ALG14: variants seen among roughly 807,000 people sequenced by gnomAD.
ALG14 encodes the protein UDP-N-acetylglucosamine transferase subunit ALG14.
ALG14 carries 17 observed loss-of-function variants against 22.8 expected under a neutral mutation model. That is an observed-to-expected ratio of 0.75 (90% CI 0.51 to 1.12). The LOEUF (loss-of-function observed/expected upper bound fraction) is 1.12. Ranked by LOEUF, ALG14 falls within the 50% of genes most tolerant of loss-of-function variation. The pLI is 0.00. For synonymous variants in ALG14, 89 were observed against 103.7 expected (o/e 0.86, Z 0.86); for missense variants, 288 against 271.8 (o/e 1.06, Z -0.42).
intron 1 of ALG14, 93 bp from the exon 2 acceptor site, chr1:95,065,110 G>T: frequency 1.8e-6 from 2 of 1,121,606 alleles, no homozygotes; most frequent in South Asian, 2.2e-5. Context: ...TTCAGGTTGG[G>T]GGTGGGGGGG....
chr1:95,065,082 T>G, intron 1 of ALG14, 65 bp from the exon 2 acceptor site: 2 of 1,427,978 alleles, frequency 1.4e-6, no homozygotes, highest in Non-Finnish European at 1.9e-6. Flanking sequence ...TTTGACCATG[T>G]TATACCAATA....
intron 2 of ALG14, among the ~76,000 whole-genome samples, chr1:95,031,806 G>A (rs766877018): frequency 6.6e-6 from 1 of 152,070 alleles, no homozygotes; most frequent in Non-Finnish European, 1.5e-5. Flanking sequence ...CTTACACAAG[G>A]AGGCCAGGAA....
rs1455898175 is a variant in ALG14 at position 94,983,012 on chromosome 1, T to C, written c.*64A>G. ...TTACAAGAAACATGTAGGGTTTTTT[T>C]CCCCCCAATTTGAGTACATACTACT... On this transcript the variant is annotated 3_prime_UTR_variant, in exon 4 of 4. Coordinates refer to ENST00000370205, the MANE Select transcript of ALG14 (RefSeq NM_144988.4). 1.1e-5 allele frequency: 16 copies of C among 1,395,148 alleles called. No homozygotes were observed. Among genetic ancestry groups the C allele is most frequent in the Admixed American group, 3.5e-5 (2 of 56,872 alleles). The allele number at this position is 1,395,148 out of a possible 1,614,324, so 86.4% of individuals were successfully genotyped here. A position where few individuals can be genotyped will look rare whatever the true frequency, so the allele number is the denominator to read the frequency against.
chr1:95,068,816 A>G (rs1180025736), intron 1 of ALG14, among the ~76,000 whole-genome samples: 2 of 152,152 alleles, frequency 1.3e-5, no homozygotes, highest in Non-Finnish European at 2.9e-5. Context: ...ATCAACCTTA[A>G]TTTTGGTTTC....
At chr1:95,037,282 G>T (rs1480042993) in intron 2 of ALG14, among the ~76,000 whole-genome samples, 2 of 152,128 alleles carry the variant, frequency 1.3e-5, no homozygotes, top group Non-Finnish European at 2.9e-5. Flanking sequence ...CTAAGAGTAG[G>T]CCTGGAATGG....
chr1:95,020,186 C>G (rs1328862573), intron 3 of ALG14, among the ~76,000 whole-genome samples: 1 of 151,772 alleles, frequency 6.6e-6, no homozygotes, highest in African/African-American at 2.4e-5. Flanking sequence ...CACTGCACTC[C>G]AGCCTGGGCA....
intron 3 of ALG14, among the ~76,000 whole-genome samples, chr1:95,003,050 C>T (rs934813655): frequency 2.0e-5 from 3 of 152,128 alleles, no homozygotes; most frequent in East Asian, 1.9e-4. Context: ...GAAATCAGAG[C>T]GTTCCAGTTC....
At chr1:95,048,229 T>A (rs1674624276) in intron 2 of ALG14, among the ~76,000 whole-genome samples, 2 of 152,236 alleles carry the variant, frequency 1.3e-5, no homozygotes, top group African/African-American at 4.8e-5. Flanking sequence ...GAAATCTAAT[T>A]AAGTGGCCTG....
intron 1 of ALG14, among the ~76,000 whole-genome samples, chr1:95,071,688 A>C (rs1675571096): frequency 1.3e-5 from 2 of 152,164 alleles, no homozygotes; most frequent in Non-Finnish European, 2.9e-5. Context: ...CAGCCCTCGA[A>C]ACCCTGGCTG....
At chr1:95,058,375 A>C (rs1477701298) in intron 2 of ALG14, among the ~76,000 whole-genome samples, 1 of 139,850 alleles carries the variant, frequency 7.2e-6, no homozygotes, top group Non-Finnish European at 1.5e-5. Flanking sequence ...GCATTTTGGG[A>C]GGCTGAGGAG....
At chr1:95,008,484 TTC>T (rs1241573291) in intron 3 of ALG14, among the ~76,000 whole-genome samples, 2 of 152,184 alleles carry the variant, frequency 1.3e-5, no homozygotes, top group African/African-American at 2.4e-5. Flanking sequence ...TTTTTCAAAT[TTC>T]TGTTAGATGA....
chr1:94,984,396 A>T (rs1463158713), intron 3 of ALG14, among the ~76,000 whole-genome samples: 1 of 152,162 alleles, frequency 6.6e-6, no homozygotes, highest in Non-Finnish European at 1.5e-5. Context: ...ACAGAAAGAG[A>T]GCCATCTTGC....
intron 2 of ALG14, among the ~76,000 whole-genome samples, chr1:95,029,419 T>C (rs775691927): frequency 6.6e-6 from 1 of 152,182 alleles, no homozygotes; most frequent in Non-Finnish European, 1.5e-5. Context: ...TATTTTGATA[T>C]TAGTTACACA....
chr1:94,995,284 T>G (rs1161860603), intron 3 of ALG14, among the ~76,000 whole-genome samples: 6 of 152,220 alleles, frequency 3.9e-5, no homozygotes, highest in African/African-American at 1.4e-4. Flanking sequence ...TGTGTTTATG[T>G]GTGAGAGAGA....
chr1:95,017,682 C>G lies in ALG14; in HGVS notation c.420+9447G>C, dbSNP rs980910113. Among the ~76,000 whole-genome samples, 33 of 152,180 alleles carry G rather than the reference C, an allele frequency of 2.2e-4. 1 individual carries two copies. The highest frequency in any genetic ancestry group is 1.3e-4 in the Admixed American group (2 of 15,278). On this transcript the variant is annotated intron_variant, in intron 3 of 3. Coordinates refer to ENST00000370205, the MANE Select transcript of ALG14 (RefSeq NM_144988.4). Reference sequence around the variant, plus strand: ...TGTATCAGGGAGGGCCATAGAAGGGCAACCACCTTCTCGAAGGCCCCTTGG... The same window carrying G: ...TGTATCAGGGAGGGCCATAGAAGGGGAACCACCTTCTCGAAGGCCCCTTGG...
At chr1:95,019,847 G>A (rs999532617) in intron 3 of ALG14, among the ~76,000 whole-genome samples, 6 of 152,122 alleles carry the variant, frequency 3.9e-5, no homozygotes, top group African/African-American at 9.7e-5. Context: ...GGGCATAGTG[G>A]TGCATGCCTG....
At chr1:95,004,209 A>C (rs1673143935) in intron 3 of ALG14, among the ~76,000 whole-genome samples, 1 of 150,874 alleles carries the variant, frequency 6.6e-6, no homozygotes, top group Non-Finnish European at 1.5e-5. Flanking sequence ...AAGCATGGGT[A>C]ATTAACTTTT....
At chr1:95,005,248 C>A (rs1673185100) in intron 3 of ALG14, among the ~76,000 whole-genome samples, 1 of 152,134 alleles carries the variant, frequency 6.6e-6, no homozygotes, top group South Asian at 2.1e-4. Context: ...ATTTAGAGGG[C>A]TTGACACATC....
At position 95,028,497 on chromosome 1, in the gene ALG14, C is replaced by T. The variant is rs189898057; in HGVS notation, c.289-1237G>A. Reference sequence around the variant, plus strand: ...TACAGGGTTGAGTCACTATACTCGGCCATGCATTAGTATTTTCATTAAAAA... The same window carrying T: ...TACAGGGTTGAGTCACTATACTCGGTCATGCATTAGTATTTTCATTAAAAA... On this transcript the variant is annotated intron_variant, in intron 2 of 3. Coordinates refer to ENST00000370205, the MANE Select transcript of ALG14 (RefSeq NM_144988.4). Among the ~76,000 whole-genome samples, 77 of 152,230 alleles carry T rather than the reference C, an allele frequency of 5.1e-4. No homozygotes were observed. In the East Asian group the frequency reaches 0.014, roughly 27 times the overall value.
Sources: allele counts gnomAD v4.1 joint callset (sites outside exome capture counted in the v4.1 genomes callset), GRCh38; gene constraint gnomAD v4.1.1; transcripts MANE v1.5; gene names NCBI Gene and HGNC (gene_info 2026-07-23, HGNC 2026-07-21).